DYNC1I1: variants seen among roughly 807,000 people sequenced by gnomAD.
DYNC1I1 encodes the protein cytoplasmic dynein 1 intermediate chain 1.
DYNC1I1 carries 43 observed loss-of-function variants against 86.6 expected under a neutral mutation model. The observed-to-expected ratio is 0.50, with a 90% CI of 0.39 to 0.64. The LOEUF is 0.64. DYNC1I1 is among the 30% of genes least tolerant of loss of function. DYNC1I1 has a pLI of 0.00. For missense variants in DYNC1I1, 604 were observed against 788.8 expected (o/e 0.77, Z 2.81); for synonymous variants, 262 against 283.7 (o/e 0.92, Z 0.77).
At chr7:95,857,722 A>AT (rs1789762799) in intron 5 of DYNC1I1, among the ~76,000 whole-genome samples, 1 of 152,196 alleles carries the variant, frequency 6.6e-6, no homozygotes, top group Admixed American at 6.5e-5. Context: ...GGGAGGTTTC[A>AT]TCCGTATTGA....
intron 8 of DYNC1I1, 135 bp downstream of exon 8, chr7:95,985,112 C>T: frequency 1.6e-6 from 2 of 1,223,922 alleles, no homozygotes; most frequent in Non-Finnish European, 2.3e-6. Context: ...TCTTGCTGAA[C>T]AGCTTTGACT....
In DYNC1I1 at chr7:95,985,914, C is replaced by T. The variant is rs146743816; in HGVS notation, c.743+937C>T. ...CAGTATTTTGAATATAGATGCTCTA[C>T]AATCTTTGTGTTTTTTTGAAAAGCC... is the stretch of plus-strand genomic sequence containing the variant. On this transcript the variant is annotated intron_variant, in intron 8 of 16. Transcript: ENST00000447467. 6.8e-3 allele frequency among the ~76,000 whole-genome samples: 1,029 copies of T among 152,096 alleles called. 10 individuals are homozygous for T. The highest frequency in any genetic ancestry group is 0.013 in the African/African-American group (534 of 41,494).
intron 4 of DYNC1I1, among the ~76,000 whole-genome samples, chr7:95,816,862 T>A (rs1794958540): frequency 6.6e-6 from 1 of 152,208 alleles, no homozygotes; most frequent in African/African-American, 2.4e-5. Flanking sequence ...TAAACACTTA[T>A]TCCTATATTT....
chr7:95,846,623 C>G (rs77725155), intron 5 of DYNC1I1, among the ~76,000 whole-genome samples: 43,632 of 120,980 alleles, frequency 0.36, 7,127 homozygotes, highest in East Asian at 0.5. Context: ...ATAAATCTCT[C>G]TCTCTGTGTG....
intron 14 of DYNC1I1, among the ~76,000 whole-genome samples, chr7:96,054,655 C>T (rs908474940): frequency 6.6e-6 from 1 of 152,140 alleles, no homozygotes; most frequent in African/African-American, 2.4e-5. Flanking sequence ...CTGTTGTTTC[C>T]TGACTTTTTA....
At chr7:96,032,824 G>A in intron 12 of DYNC1I1, 44 bp downstream of exon 12, 2 of 1,499,536 alleles carry the variant, frequency 1.3e-6, no homozygotes, top group Non-Finnish European at 1.9e-6. Context: ...CTGGTTAAAA[G>A]AGATACCTAC....
intron 6 of DYNC1I1, among the ~76,000 whole-genome samples, chr7:95,903,224 G>C (rs1174372192): frequency 1.3e-5 from 2 of 152,166 alleles, no homozygotes; most frequent in African/African-American, 4.8e-5. Context: ...TTGAAGGTGG[G>C]AAATAAGAAC....
In DYNC1I1 at chr7:95,866,421, A is replaced by G. The variant is rs139245237; in HGVS notation, c.375-3462A>G. Among the ~76,000 whole-genome samples, 359 of 152,328 alleles carry G rather than the reference A, an allele frequency of 2.4e-3. 7 individuals are homozygous for G. The highest frequency in any genetic ancestry group is 0.019 in the Admixed American group (286 of 15,302). On this transcript the variant is annotated intron_variant, in intron 5 of 16. Coordinates refer to ENST00000447467, the MANE Select transcript of DYNC1I1 (RefSeq NM_001135556.2). The stretch of plus-strand genomic sequence containing the variant: ...ACGCAGGAAAACAAGGTTTTTAAGT[A>G]TAGTTTCAAAGTTTTTAAGTACATG...
intron 10 of DYNC1I1, among the ~76,000 whole-genome samples, chr7:96,004,758 C>T (rs148856003): frequency 5.2e-4 from 79 of 152,212 alleles, no homozygotes; most frequent in Non-Finnish European, 6.9e-4. Flanking sequence ...GCCAAAACCT[C>T]AAGCAGTGAC....
intron 6 of DYNC1I1, among the ~76,000 whole-genome samples, chr7:95,912,599 C>G (rs1012884697): frequency 1.3e-5 from 2 of 152,098 alleles, no homozygotes; most frequent in African/African-American, 4.8e-5. Context: ...AGAAGAATGC[C>G]CATTGAGGCA....
chr7:96,095,104 A>G (rs755065117), intron 16 of DYNC1I1, among the ~76,000 whole-genome samples: 1 of 152,212 alleles, frequency 6.6e-6, no homozygotes, highest in Non-Finnish European at 1.5e-5. Context: ...AGAAAGTCAC[A>G]TGTAGTTCAC....
At chr7:95,964,459 G>T (rs1490200131) in intron 6 of DYNC1I1, among the ~76,000 whole-genome samples, 1 of 152,094 alleles carries the variant, frequency 6.6e-6, no homozygotes, top group Non-Finnish European at 1.5e-5. Context: ...TACAGCAGCT[G>T]CCTTGATATT....
intron 6 of DYNC1I1, among the ~76,000 whole-genome samples, chr7:95,907,325 C>T (rs562243145): frequency 3.3e-5 from 5 of 152,172 alleles, no homozygotes; most frequent in Non-Finnish European, 7.3e-5. Context: ...TGTGTGCTTT[C>T]ATAAGCCACC....
chr7:95,835,392 G>C (rs375889131), intron 5 of DYNC1I1, among the ~76,000 whole-genome samples: 8 of 146,868 alleles, frequency 5.4e-5, no homozygotes, highest in African/African-American at 1.0e-4. Flanking sequence ...TTACTTCCAA[G>C]TATGTGGTCA....
At chr7:96,084,827 T>C (rs1447585808) in intron 16 of DYNC1I1, among the ~76,000 whole-genome samples, 1 of 152,152 alleles carries the variant, frequency 6.6e-6, no homozygotes, top group Non-Finnish European at 1.5e-5. Flanking sequence ...GTACTGGAGA[T>C]CCCAATTCAC....
At chr7:95,934,071 T>G (rs1791974765) in intron 6 of DYNC1I1, among the ~76,000 whole-genome samples, 1 of 152,124 alleles carries the variant, frequency 6.6e-6, no homozygotes, top group Non-Finnish European at 1.5e-5. Flanking sequence ...CTGGTGGTCT[T>G]GGAACAGTGA....
intron 14 of DYNC1I1, among the ~76,000 whole-genome samples, chr7:96,041,449 T>A (rs1789051000): frequency 6.6e-6 from 1 of 152,288 alleles, no homozygotes; most frequent in Admixed American, 6.5e-5. Flanking sequence ...AACAGAACAA[T>A]TTCCACTTCT....
In DYNC1I1 at chr7:96,050,021, C is replaced by CA. The variant is rs1325932449; in HGVS notation, c.1509+10608dup. ...TGGATGACAGAGAGAGACTCCATCT[C>CA]AAAAAAAACAAACAAACAAAAAAAA... On this transcript the variant is annotated intron_variant, in intron 14 of 16. Transcript: ENST00000447467. Among the ~76,000 whole-genome samples the CA allele has an allele frequency of 1.2e-3, 156 of 132,330 alleles. 2 individuals carry two copies. Among genetic ancestry groups the CA allele is most frequent in the African/African-American group, 4.3e-3 (141 of 32,652 alleles). 86.8% of individuals were successfully genotyped at this position (132,330 alleles called of 152,430 possible).
chr7:95,852,082 A>G (rs1331181167), intron 5 of DYNC1I1, among the ~76,000 whole-genome samples: 2 of 152,166 alleles, frequency 1.3e-5, no homozygotes, highest in Admixed American at 6.5e-5. Context: ...AAAAATTGCT[A>G]TTAGTTCTTC....
Sources: allele counts gnomAD v4.1 joint callset (sites outside exome capture counted in the v4.1 genomes callset), GRCh38; gene constraint gnomAD v4.1.1; transcripts MANE v1.5; gene names NCBI Gene and HGNC (gene_info 2026-07-23, HGNC 2026-07-21).